The following YPEL1 variants were observed in gnomAD, a reference collection of about 807,000 sequenced individuals.
The protein encoded by YPEL1 is protein yippee-like 1.
A neutral mutation model predicts 17.3 loss-of-function variants in YPEL1; 7 were observed. The ratio of observed to expected loss-of-function variants is 0.40; its 90% CI spans 0.23 to 0.76. The LOEUF (loss-of-function observed/expected upper bound fraction) is 0.76, where lower values mean the gene tolerates loss of function less well. Ranked by LOEUF, YPEL1 falls within the 30% of genes least tolerant of loss-of-function variation. The pLI is 0.35. For synonymous variants in YPEL1, 59 were observed against 59.6 expected, an observed-to-expected ratio of 0.99 and a Z score of 0.05; for missense variants, 91 against 155.5, an observed-to-expected ratio of 0.59 and a Z score of 2.21.
intron 1 of YPEL1, among the ~76,000 whole-genome samples, chr22:21,711,347 T>G (rs193197318): frequency 1.3e-5 from 2 of 152,308 alleles, no homozygotes; most frequent in East Asian, 3.9e-4. Flanking sequence ...GCAAATAATT[T>G]GAGAAAAACA....
intron 2 of YPEL1, among the ~76,000 whole-genome samples, chr22:21,707,591 G>A (rs2148598940): frequency 6.6e-6 from 1 of 152,294 alleles, no homozygotes; most frequent in African/African-American, 2.4e-5. Context: ...CTGGGATTAG[G>A]AATATTATTC....
intron 1 of YPEL1, among the ~76,000 whole-genome samples, chr22:21,727,284 C>T (rs717121): frequency 0.12 from 17,509 of 152,248 alleles, 1,333 homozygotes; most frequent in Middle Eastern, 0.19. Context: ...TAAGTTTTAA[C>T]TTGGCTTTAA....
At chr22:21,715,126 A>G (rs2068208765) in intron 1 of YPEL1, among the ~76,000 whole-genome samples, 1 of 152,200 alleles carries the variant, frequency 6.6e-6, no homozygotes, top group Non-Finnish European at 1.5e-5. Flanking sequence ...ACATATACAT[A>G]TATGTGTGGA....
chr22:21,724,661 A>T lies in YPEL1; in HGVS notation c.-165+10954T>A, dbSNP rs183628542. Among the ~76,000 whole-genome samples, 654 of 150,580 alleles carry T rather than the reference A, an allele frequency of 4.3e-3. 7 individuals are homozygous for T. Among genetic ancestry groups the T allele is most frequent in the African/African-American group, 0.015 (627 of 41,024 alleles). ...AGTGGCATAATCTCAGCTCACTGCAACCTCTGCCTTCCGGGTTCAAGTGAT... is the reference window on the plus strand; with the variant it reads ...AGTGGCATAATCTCAGCTCACTGCATCCTCTGCCTTCCGGGTTCAAGTGAT... On this transcript the variant is annotated intron_variant, in intron 1 of 4. Transcript: ENST00000339468.
At position 21,703,530 on chromosome 22, in the gene YPEL1, G is replaced by A; in HGVS notation, c.162-52C>T. 8 of 1,527,662 alleles carry A rather than the reference G, an allele frequency of 5.2e-6. No homozygotes were observed. Among genetic ancestry groups the A allele is most frequent in the Non-Finnish European group, 7.2e-6 (8 of 1,114,998 alleles). The allele number at this position is 1,527,662 out of a possible 1,614,324, so 94.6% of individuals were successfully genotyped here. Reference sequence around the variant, plus strand: ...TGCAGGCCCGGCCCGCCCCTGACCAGGCCCTGCCCCCTCAGCGGGCCCCAC... The same window carrying A: ...TGCAGGCCCGGCCCGCCCCTGACCAAGCCCTGCCCCCTCAGCGGGCCCCAC... On this transcript the variant is annotated intron_variant, in intron 3 of 4. Coordinates refer to ENST00000339468, the MANE Select transcript of YPEL1 (RefSeq NM_013313.5). This position sits in a 1 kb window ranked among gnomAD's most constrained non-coding sequence, Gnocchi z 6.1.
chr22:21,726,694 C>T (rs1345222053), intron 1 of YPEL1, among the ~76,000 whole-genome samples: 2 of 152,234 alleles, frequency 1.3e-5, no homozygotes, highest in Non-Finnish European at 2.9e-5. Context: ...GAGATACCAC[C>T]CCTGGTGGCT....
At chr22:21,715,868 A>G (rs751650152) in intron 1 of YPEL1, among the ~76,000 whole-genome samples, 4 of 149,308 alleles carry the variant, frequency 2.7e-5, no homozygotes, top group Non-Finnish European at 4.4e-5. Context: ...GGTTCAAGTG[A>G]TTCTCCTGTC....
rs372739031 is a variant in YPEL1 at position 21,703,503 on chromosome 22, G to A, written c.162-25C>T. On this transcript the variant is annotated intron_variant, in intron 3 of 4. Coordinates refer to ENST00000339468, the MANE Select transcript of YPEL1 (RefSeq NM_013313.5). This position sits in a 1 kb window ranked among gnomAD's most constrained non-coding sequence, Gnocchi z 6.1. ...CCTGCGGGGACAGAGGGGCCACTGCGCTGCAGGCCCGGCCCGCCCCTGACC... is the reference window on the plus strand; with the variant it reads ...CCTGCGGGGACAGAGGGGCCACTGCACTGCAGGCCCGGCCCGCCCCTGACC... 22 of 1,589,110 alleles carry A rather than the reference G, an allele frequency of 1.4e-5. No individual in the cohort carries two copies. The African/African-American group carries it at 1.7e-4, about 13-fold the overall frequency.
Position 21,710,756 on chromosome 22 carries a change from A to T in YPEL1, c.-12T>A, listed in dbSNP as rs376598686. ...GTCATTTTCACCATCTCTCCTGGGC[A>T]CTCCTCACTCAGCTCAGGGCTGGTT... On this transcript the variant is annotated 5_prime_UTR_variant, in exon 2 of 5. Transcript: ENST00000339468. The T allele has an allele frequency of 1.2e-4, 199 of 1,608,568 alleles. No homozygotes were observed. The highest frequency in any genetic ancestry group is 1.5e-4 in the Non-Finnish European group (182 of 1,175,192).
intron 4 of YPEL1, among the ~76,000 whole-genome samples, chr22:21,701,854 G>A (rs937916888): frequency 6.6e-6 from 1 of 152,174 alleles, no homozygotes; most frequent in African/African-American, 2.4e-5. Context: ...GAGTCCAGGA[G>A]TTTGAGACAA....
intron 4 of YPEL1, among the ~76,000 whole-genome samples, chr22:21,701,435 T>C (rs1352398545): frequency 6.6e-6 from 1 of 152,248 alleles, no homozygotes; most frequent in Admixed American, 6.5e-5. Context: ...GTTTTTCATG[T>C]GCTCGCTTCG....
At chr22:21,716,638 G>C (rs1010935587) in intron 1 of YPEL1, among the ~76,000 whole-genome samples, 7 of 152,284 alleles carry the variant, frequency 4.6e-5, no homozygotes, top group Non-Finnish European at 1.0e-4. Context: ...ACAGCGCCCT[G>C]AGGTACCTGG....
At chr22:21,701,292 C>T (rs861816) in intron 4 of YPEL1, 74 bp from the exon 5 acceptor site, 164 of 966,476 alleles carry the variant, frequency 1.7e-4, no homozygotes, top group Non-Finnish European at 2.5e-4. Flanking sequence ...TTGGCAAAAA[C>T]CCCCCCCAAG....
intron 1 of YPEL1, among the ~76,000 whole-genome samples, chr22:21,726,309 A>C (rs2068335000): frequency 1.3e-5 from 2 of 152,238 alleles, no homozygotes; most frequent in East Asian, 3.8e-4. Context: ...GGCCCCCAGA[A>C]TGACAAGAAT....
rs1046573701 is a variant in YPEL1, at chr22:21,703,714, G to GT, written c.161+124_161+125insA. ...AGCGCGTTTCAGAAACTCCCGGCGG[G>GT]GGGATGGTGGGTTCTTTCAGGACCC... On this transcript the variant is annotated intron_variant, in intron 3 of 4. Transcript: ENST00000339468. This position sits in a 1 kb window ranked among gnomAD's most constrained non-coding sequence, Gnocchi z 6.1. The GT allele has an allele frequency of 4.5e-6, 5 of 1,120,356 alleles. 1 individual carries two copies. In the South Asian group the frequency reaches 4.5e-5, roughly 10 times the overall value. The allele number at this position is 1,120,356 out of a possible 1,614,324, so 69.4% of individuals were successfully genotyped here. A position where few individuals can be genotyped will look rare whatever the true frequency, so the allele number is the denominator to read the frequency against.
chr22:21,725,715 G>A (rs13056468), intron 1 of YPEL1, among the ~76,000 whole-genome samples: 38,648 of 151,654 alleles, frequency 0.25, 5,867 homozygotes, highest in African/African-American at 0.41. Flanking sequence ...TACTGCGGCC[G>A]GGTGCAGCAG....
At chr22:21,721,530 T>C (rs2068284148) in intron 1 of YPEL1, among the ~76,000 whole-genome samples, 1 of 151,530 alleles carries the variant, frequency 6.6e-6, no homozygotes, top group Non-Finnish European at 1.5e-5. Context: ...TTCAAGCGAT[T>C]CTCCTGCCTC....
Position 21,703,454 on chromosome 22 carries a change from T to C in YPEL1, c.186A>G (p.Ala62=). The part of the protein sequence containing the change: ...NSVVNVGCGP[A]EERVLLTGLH... The stretch of plus-strand genomic sequence containing the variant: ...GCCCGGTGAGAAGGACCCTCTCCTC[T>C]GCAGGGCCGCAGCCCACGTTCACCC... The change falls in exon 4 of 5, where the codon GCA becomes GCG. Residue 62 remains alanine, a synonymous_variant. Transcript: ENST00000339468. The surrounding 1 kb of genome is among the most constrained non-coding windows in gnomAD (Gnocchi z 6.1). 1.9e-6 allele frequency: 3 copies of C among 1,611,530 alleles called. No homozygotes were observed. The highest frequency in any genetic ancestry group is 2.5e-6 in the Non-Finnish European group (3 of 1,179,928).
At chr22:21,706,059 G>C (rs1028916323) in intron 2 of YPEL1, among the ~76,000 whole-genome samples, 1 of 148,798 alleles carries the variant, frequency 6.7e-6, no homozygotes, top group Non-Finnish European at 1.5e-5. Flanking sequence ...GAACCTGGGA[G>C]GGGGAGGTTG....
Sources: allele counts gnomAD v4.1 joint callset (sites outside exome capture counted in the v4.1 genomes callset), GRCh38; gene constraint gnomAD v4.1.1; non-coding constraint Gnocchi (gnomAD v3.1); transcripts MANE v1.5; gene names NCBI Gene and HGNC (gene_info 2026-07-23, HGNC 2026-07-21).